The following MYO3B variants were observed in gnomAD, a reference collection of about 807,000 sequenced individuals.
The protein encoded by MYO3B is myosin-IIIb.
Under a neutral mutation model 174.6 loss-of-function variants are expected in MYO3B, and 156 were observed. The observed-to-expected ratio is 0.89, with a 90% CI of 0.78 to 1.02. MYO3B has a LOEUF of 1.02. MYO3B is among the 50% of genes least tolerant of loss of function. MYO3B has a pLI of 0.00. For missense variants in MYO3B, 1,632 were observed against 1,639.4 expected, an observed-to-expected ratio of 1.00 and a Z score of 0.08; for synonymous variants, 563 against 569.1, an observed-to-expected ratio of 0.99 and a Z score of 0.15.
At chr2:170,409,704 A>G (rs773689391) in intron 22 of MYO3B, among the ~76,000 whole-genome samples, 3 of 152,274 alleles carry the variant, frequency 2.0e-5, no homozygotes, top group Non-Finnish European at 4.4e-5. Flanking sequence ...CGAGGGAAAT[A>G]TAGGAGTAAA....
chr2:170,283,734 A>G (rs1023429218), intron 7 of MYO3B, among the ~76,000 whole-genome samples: 1 of 152,184 alleles, frequency 6.6e-6, no homozygotes, highest in Non-Finnish European at 1.5e-5. Context: ...GTTAAATATC[A>G]GAAGGCTAGA....
At chr2:170,337,526 T>C (rs2093953458) in intron 8 of MYO3B, among the ~76,000 whole-genome samples, 1 of 152,200 alleles carries the variant, frequency 6.6e-6, no homozygotes. Context: ...TCGGTGTTCC[T>C]TGGATGGATT....
In MYO3B at chr2:170,401,669, C is replaced by A. The variant is rs556372006; in HGVS notation, c.2107C>A (p.Leu703Met). 1 of 1,613,994 alleles carries A rather than the reference C, an allele frequency of 6.2e-7. No individual in the cohort carries two copies. The highest frequency in any genetic ancestry group is 2.2e-5 in the East Asian group (1 of 44,874). ...SWIVNRINTLLQPDENICSAG... is the reference protein window; with the variant it reads ...SWIVNRINTLMQPDENICSAG... ...GATTGTGAATCGCATTAATACACTC[C>A]TGCAGCCAGACGAAAACATATGGCA... The change falls in exon 18 of 35, where the codon CTG (leucine) becomes ATG (methionine). Residue 703 changes from leucine to methionine, a missense_variant. Physicochemically the swap from Leu to Met is conservative, Grantham distance 15 (BLOSUM62 2). Coordinates refer to ENST00000408978, the MANE Select transcript of MYO3B (RefSeq NM_138995.5).
intron 32 of MYO3B, among the ~76,000 whole-genome samples, chr2:170,590,823 C>A (rs1693777768): frequency 6.6e-6 from 1 of 152,150 alleles, no homozygotes; most frequent in South Asian, 2.1e-4. Context: ...TCGTAGTATT[C>A]ACAGTGGCTT....
rs777463647 is a variant in MYO3B, at chr2:170,236,127, A to G, written c.740A>G (p.Lys247Arg). ...FDMHPVKTLF[K>R]IPRNPPPTLL... is the part of the protein sequence containing the mutation. ...ATGCATCCTGTGAAAACACTCTTTA[A>G]GATTCCAAGGTAAGACACAAGATGG... Residue 247 changes from lysine (K) to arginine (R), a missense_variant, in exon 7 of 35, where the codon AAG becomes AGG. By Grantham distance (26) the Lys-to-Arg change is conservative. Coordinates refer to ENST00000408978, the MANE Select transcript of MYO3B (RefSeq NM_138995.5). 6.2e-7 allele frequency: 1 copy of G among 1,614,196 alleles called. No individual in the cohort carries two copies. The highest frequency in any genetic ancestry group is 1.7e-5 in the Admixed American group (1 of 60,028).
chr2:170,567,176 A>G (rs1243139520), intron 32 of MYO3B, among the ~76,000 whole-genome samples: 1 of 152,208 alleles, frequency 6.6e-6, no homozygotes, highest in Non-Finnish European at 1.5e-5. Context: ...CAAAAATTAA[A>G]TAAGGCAGTA....
At chr2:170,288,869 G>A (rs533240426) in intron 7 of MYO3B, among the ~76,000 whole-genome samples, 2 of 152,048 alleles carry the variant, frequency 1.3e-5, no homozygotes, top group South Asian at 4.2e-4. Context: ...CCTTTATCAT[G>A]TTGAGGTATG....
chr2:170,414,043 A>T (rs2094562707), intron 22 of MYO3B, among the ~76,000 whole-genome samples: 1 of 152,236 alleles, frequency 6.6e-6, no homozygotes, highest in South Asian at 2.1e-4. Flanking sequence ...CCATCTCAAA[A>T]AAATAAATAA....
rs141211669 is a variant in MYO3B, at chr2:170,544,839, C to A, written c.3733+851C>A. 4.3e-3 allele frequency among the ~76,000 whole-genome samples: 660 copies of A among 152,096 alleles called. 4 individuals are homozygous for A. Among genetic ancestry groups the A allele is most frequent in the African/African-American group, 0.015 (620 of 41,494 alleles). On this transcript the variant is annotated intron_variant, in intron 32 of 34. Coordinates refer to ENST00000408978, the MANE Select transcript of MYO3B (RefSeq NM_138995.5). ...AATGGACATGTAGTAAATGATAAAC[C>A]CGACAAAGGAAATATTTTCCTCATA... is the stretch of plus-strand genomic sequence containing the variant.
chr2:170,536,569 T>C (rs1689693596), intron 30 of MYO3B, among the ~76,000 whole-genome samples: 1 of 152,220 alleles, frequency 6.6e-6, no homozygotes, highest in Non-Finnish European at 1.5e-5. Flanking sequence ...TCTTATTGTG[T>C]ACTGTTACTG....
chr2:170,259,588 C>T (rs1241160432), intron 7 of MYO3B, among the ~76,000 whole-genome samples: 1 of 152,108 alleles, frequency 6.6e-6, no homozygotes, highest in Non-Finnish European at 1.5e-5. Flanking sequence ...GGACCTAAAA[C>T]TATAAAAATC....
At chr2:170,650,672 C>CTTTTTTT (rs766676996) in intron 32 of MYO3B, among the ~76,000 whole-genome samples, 2 of 76,992 alleles carry the variant, frequency 2.6e-5, no homozygotes, top group Non-Finnish European at 4.5e-5. Flanking sequence ...TGAATTATGA[C>CTTTTTTT]TTTTTTTTTT....
In MYO3B at chr2:170,383,140, T is replaced by C. The variant is rs756149403; in HGVS notation, c.1136T>C (p.Ile379Thr). ...DLLIYTYVGD[I>T]LIALNPFQNL... ...CTAATTTACACATATGTTGGAGACA[T>C]CTTAATTGCCTTAAACCCCTTCCAG... The change falls in exon 11 of 35, where the codon ATC becomes ACC. Residue 379 changes from isoleucine to threonine, a missense_variant. By Grantham distance (89) the Ile-to-Thr change is moderately conservative (BLOSUM62 -1). Coordinates refer to ENST00000408978, the MANE Select transcript of MYO3B (RefSeq NM_138995.5). 6.2e-7 allele frequency: 1 copy of C among 1,613,394 alleles called. No individual in the cohort carries two copies. Among genetic ancestry groups the C allele is most frequent in the South Asian group, 1.1e-5 (1 of 91,054 alleles).
chr2:170,294,789 C>T (rs566369958), intron 7 of MYO3B, among the ~76,000 whole-genome samples: 69 of 152,112 alleles, frequency 4.5e-4, no homozygotes, highest in African/African-American at 1.6e-3. Flanking sequence ...AAACTATGGA[C>T]TTTGAGTGAT....
intron 8 of MYO3B, among the ~76,000 whole-genome samples, chr2:170,353,452 A>G (rs2105610029): frequency 6.6e-6 from 1 of 152,342 alleles, no homozygotes; most frequent in Admixed American, 6.5e-5. Context: ...TTTTTCGGGC[A>G]GTGAAAATAC....
intron 7 of MYO3B, among the ~76,000 whole-genome samples, chr2:170,289,510 A>AACCATCTC (rs2093581300): frequency 6.6e-6 from 1 of 152,050 alleles, no homozygotes. Context: ...AGTTGTTCAT[A>AACCATCTC]ACCATCTCTG....
At chr2:170,225,308 C>G (rs962513309) in intron 6 of MYO3B, among the ~76,000 whole-genome samples, 2 of 152,338 alleles carry the variant, frequency 1.3e-5, no homozygotes, top group South Asian at 2.1e-4. Context: ...TTAGGTGATG[C>G]CACCAGAGTT....
chr2:170,365,140 C>T (rs1373592772), intron 8 of MYO3B, among the ~76,000 whole-genome samples: 1 of 152,134 alleles, frequency 6.6e-6, no homozygotes, highest in East Asian at 1.9e-4. Context: ...AGTATTGTTT[C>T]GTACGTTGTA....
At chr2:170,608,428 A>G (rs2215997) in intron 32 of MYO3B, among the ~76,000 whole-genome samples, 11,144 of 152,226 alleles carry the variant, frequency 0.073, 1,341 homozygotes, top group African/African-American at 0.25. Context: ...TTGACTTCCC[A>G]GTGGGATTAT....
Sources: allele counts gnomAD v4.1 joint callset (sites outside exome capture counted in the v4.1 genomes callset), GRCh38; gene constraint gnomAD v4.1.1; transcripts MANE v1.5; gene names NCBI Gene and HGNC (gene_info 2026-07-23, HGNC 2026-07-21).